Variants in MCTP1 observed in about 807,000 individuals in gnomAD.
MCTP1 encodes multiple C2 and transmembrane domain containing 1.
In MCTP1, 69 loss-of-function variants were observed where a neutral mutation model predicts 120.6. The ratio of observed to expected loss-of-function variants is 0.57; its 90% CI spans 0.47 to 0.70. MCTP1 has a LOEUF of 0.70. Ranked by LOEUF, MCTP1 falls within the 30% of genes least tolerant of loss-of-function variation. The pLI, the probability that MCTP1 is intolerant of heterozygous loss-of-function variation, is 0.00. For synonymous variants in MCTP1, 529 were observed against 493.1 expected (o/e 1.07, Z -0.96); for missense variants, 1,203 against 1,248.8 (o/e 0.96, Z 0.55).
At chr5:95,111,616 C>T (rs184975030) in intron 1 of MCTP1, among the ~76,000 whole-genome samples, 8 of 152,128 alleles carry the variant, frequency 5.3e-5, no homozygotes, top group Non-Finnish European at 1.2e-4. Flanking sequence ...TCAGATTAAC[C>T]AAAAAGATGT....
At chr5:95,195,107 T>C (rs1750231906) in intron 1 of MCTP1, among the ~76,000 whole-genome samples, 1 of 152,110 alleles carries the variant, frequency 6.6e-6, no homozygotes, top group African/African-American at 2.4e-5. Flanking sequence ...ATGCAGAAGG[T>C]GGCACCAGGA....
At chr5:95,173,974 A>G (rs1341220584) in intron 1 of MCTP1, among the ~76,000 whole-genome samples, 1 of 152,200 alleles carries the variant, frequency 6.6e-6, no homozygotes, top group African/African-American at 2.4e-5. Context: ...AGCCAAGGAA[A>G]TATTTCAGAA....
At chr5:95,281,551 T>C (rs1760318353) in intron 1 of MCTP1, among the ~76,000 whole-genome samples, 1 of 152,258 alleles carries the variant, frequency 6.6e-6, no homozygotes, top group Admixed American at 6.5e-5. Context: ...ATGGTATCTC[T>C]TTCTGGGACT....
chr5:94,778,174 T>C (rs1432893558), intron 19 of MCTP1, among the ~76,000 whole-genome samples: 1 of 151,910 alleles, frequency 6.6e-6, no homozygotes, highest in African/African-American at 2.4e-5. Context: ...TATACTGTTT[T>C]CCTCCTTTCT....
At chr5:94,991,877 C>CAAA (rs11389362) in intron 2 of MCTP1, among the ~76,000 whole-genome samples, 1,645 of 150,554 alleles carry the variant, frequency 0.011, 13 homozygotes, top group Middle Eastern at 0.024. Flanking sequence ...AACTCCATCT[C>CAAA]AAAAAAAAAT....
chr5:95,096,643 C>T (rs1562140110), intron 1 of MCTP1, among the ~76,000 whole-genome samples: 1 of 152,094 alleles, frequency 6.6e-6, no homozygotes, highest in East Asian at 1.9e-4. Context: ...AGCTCTAATT[C>T]GTGCAGTATT....
At chr5:94,932,382 A>G (rs1448982683) in intron 5 of MCTP1, among the ~76,000 whole-genome samples, 2 of 151,980 alleles carry the variant, frequency 1.3e-5, no homozygotes, top group Non-Finnish European at 2.9e-5. Context: ...ACACATTCAA[A>G]ATCTTTTGCT....
chr5:94,787,388 AG>A (rs1777948769), intron 18 of MCTP1, among the ~76,000 whole-genome samples: 2 of 152,168 alleles, frequency 1.3e-5, no homozygotes, highest in Non-Finnish European at 2.9e-5. Flanking sequence ...ATACATTGCA[AG>A]GGGACTATGG....
At chr5:94,849,948 A>G (rs1465065990) in intron 17 of MCTP1, among the ~76,000 whole-genome samples, 1 of 152,178 alleles carries the variant, frequency 6.6e-6, no homozygotes, top group Non-Finnish European at 1.5e-5. Flanking sequence ...TTGGCTTTTA[A>G]TTATTCTTCA....
At chr5:95,084,847 T>G (rs1008075555) in intron 1 of MCTP1, among the ~76,000 whole-genome samples, 1 of 152,170 alleles carries the variant, frequency 6.6e-6, no homozygotes, top group Non-Finnish European at 1.5e-5. Flanking sequence ...TCACATCTCC[T>G]GCTTTTGTAT....
chr5:95,139,565 C>T (rs1386599812), intron 1 of MCTP1, among the ~76,000 whole-genome samples: 3 of 152,254 alleles, frequency 2.0e-5, no homozygotes, highest in African/African-American at 7.2e-5. Flanking sequence ...AAAGGAGTCT[C>T]AAAATCAACC....
At chr5:95,179,035 T>C (rs1748326092) in intron 1 of MCTP1, among the ~76,000 whole-genome samples, 1 of 152,132 alleles carries the variant, frequency 6.6e-6, no homozygotes, top group Non-Finnish European at 1.5e-5. Context: ...GCAAAATGCA[T>C]TGGAAAGTCT....
chr5:95,276,788 T>C (rs1350090077), intron 1 of MCTP1, among the ~76,000 whole-genome samples: 1 of 151,292 alleles, frequency 6.6e-6, no homozygotes, highest in African/African-American at 2.4e-5. Flanking sequence ...CCGTCTCCAC[T>C]AATAACACAA....
chr5:95,203,567 G>A (rs1044507422), intron 1 of MCTP1, among the ~76,000 whole-genome samples: 1 of 151,978 alleles, frequency 6.6e-6, no homozygotes, highest in African/African-American at 2.4e-5. Context: ...TGAAGAATAG[G>A]GATTTCTTTC....
chr5:94,891,207 GTTGT>G (rs1802525860), intron 11 of MCTP1, among the ~76,000 whole-genome samples: 1 of 130,058 alleles, frequency 7.7e-6, no homozygotes, highest in South Asian at 2.5e-4. Flanking sequence ...TTTTTAAACA[GTTGT>G]TTATCACCAA....
At chr5:95,183,340 T>C (rs1303802086) in intron 1 of MCTP1, among the ~76,000 whole-genome samples, 3 of 151,536 alleles carry the variant, frequency 2.0e-5, no homozygotes, top group African/African-American at 4.8e-5. Context: ...GAATGAAACA[T>C]AGGAGAAAAA....
At chr5:95,110,338 G>A (rs1757364966) in intron 1 of MCTP1, among the ~76,000 whole-genome samples, 1 of 152,056 alleles carries the variant, frequency 6.6e-6, no homozygotes, top group Non-Finnish European at 1.5e-5. Flanking sequence ...TCAGTGGAGT[G>A]TAAGTATTAG....
At chr5:95,134,096 T>C (rs954167192) in intron 1 of MCTP1, among the ~76,000 whole-genome samples, 4 of 152,220 alleles carry the variant, frequency 2.6e-5, no homozygotes, top group Non-Finnish European at 5.9e-5. Flanking sequence ...TGGATCTTCA[T>C]GTTTTAATAC....
intron 1 of MCTP1, among the ~76,000 whole-genome samples, chr5:95,049,454 A>G (rs1745352655): frequency 6.6e-6 from 1 of 152,180 alleles, no homozygotes; most frequent in Admixed American, 6.5e-5. Context: ...AATAGTTCAA[A>G]TAAGTGAAGT....
Sources: gnomAD v4.1 joint callset for allele counts (sites outside exome capture counted in the v4.1 genomes callset) on GRCh38, gnomAD v4.1.1 for gene constraint, MANE v1.5 for transcripts, NCBI Gene and HGNC (gene_info 2026-07-23, HGNC 2026-07-21) for gene names.